The following HSD17B14 variants were observed in gnomAD, a reference collection of about 807,000 sequenced individuals.
HSD17B14 encodes the protein L-fucose dehydrogenase.
Under a neutral mutation model 32.2 loss-of-function variants are expected in HSD17B14, and 32 were observed. The ratio of observed to expected loss-of-function variants is 0.99; its 90% confidence interval spans 0.75 to 1.33. HSD17B14 has a LOEUF of 1.33. Among genes scored for constraint, HSD17B14 ranks in the 40% most tolerant of loss-of-function variants. The pLI is 0.00. For missense variants in HSD17B14, 370 were observed against 366.5 expected (o/e 1.01, Z -0.08); for synonymous variants, 140 against 155.4 (o/e 0.90, Z 0.74).
chr19:48,827,546 C>CT (rs1305270219), intron 5 of HSD17B14, among the ~76,000 whole-genome samples: 5 of 148,024 alleles, frequency 3.4e-5, no homozygotes, highest in Non-Finnish European at 1.5e-5. Flanking sequence ...TCTTCTCCTT[C>CT]GTTTTTTTTT....
intron 8 of HSD17B14, 30 bp from the exon 9 acceptor site, chr19:48,813,378 AAGAGGAG>A (rs1310171393): frequency 6.4e-7 from 1 of 1,557,976 alleles, no homozygotes; most frequent in Admixed American, 1.9e-5. Flanking sequence ...GAAGGAGGTC[AAGAGGAG>A]CCCCACTTGA....
chr19:48,820,154 C>T (rs2035121565), intron 5 of HSD17B14, among the ~76,000 whole-genome samples: 1 of 151,796 alleles, frequency 6.6e-6, no homozygotes, highest in Non-Finnish European at 1.5e-5. Context: ...AAGACCCGAT[C>T]TCTAACAAAA....
rs565713838 is a variant in HSD17B14, at chr19:48,822,130, T to G, written c.370-6989A>C. Among the ~76,000 whole-genome samples, 13 of 143,694 alleles carry G rather than the reference T, an allele frequency of 9.0e-5. No homozygotes were observed. The South Asian group carries it at 2.7e-3, about 30-fold the overall frequency. 94.3% of individuals were successfully genotyped at this position (143,694 alleles called of 152,430 possible). A position where few individuals can be genotyped will look rare whatever the true frequency, so the allele number is the denominator to read the frequency against. ...GGTGGCAATGATGGTGATGCTGATG[T>G]TGATGGTGATGGTGATGATTGTGGT... On this transcript the variant is annotated intron_variant, in intron 5 of 8. Coordinates refer to ENST00000263278, the MANE Select transcript of HSD17B14 (RefSeq NM_016246.3).
chr19:48,816,779 T>TTTTCTTTCCTTCTTTC, intron 5 of HSD17B14, among the ~76,000 whole-genome samples: 1 of 122,284 alleles, frequency 8.2e-6, no homozygotes, highest in South Asian at 2.7e-4. Context: ...GCAAGACCCT[T>TTTTCTTTCCTTCTTTC]TTTCTTTCTT....
intron 5 of HSD17B14, among the ~76,000 whole-genome samples, chr19:48,817,026 T>A (rs941528849): frequency 2.5e-5 from 3 of 121,312 alleles, no homozygotes; most frequent in African/African-American, 9.5e-5. Flanking sequence ...TTTTTTTTTT[T>A]AGTGGAGACA....
intron 5 of HSD17B14, among the ~76,000 whole-genome samples, chr19:48,823,955 A>G (rs2035200635): frequency 6.7e-6 from 1 of 148,614 alleles, no homozygotes; most frequent in Non-Finnish European, 1.5e-5. Context: ...TTTCTTTTTT[A>G]AAAATGTTTA....
intron 5 of HSD17B14, among the ~76,000 whole-genome samples, chr19:48,830,641 C>T (rs550661818): frequency 6.6e-6 from 1 of 152,088 alleles, no homozygotes; most frequent in Non-Finnish European, 1.5e-5. Context: ...AGCAATCCTC[C>T]CGCCTCAGCC....
rs1439918884 is a variant in HSD17B14 at position 48,813,732 on chromosome 19, T to A, written c.475-2A>T. ...TTTGGTCATGGCTGTTACTGCCCCC[T>A]GCAGGAAATGGAGCGGGGAAGAAAG... On this transcript the variant is annotated splice_acceptor_variant, in intron 6 of 8. Coordinates refer to ENST00000263278, the MANE Select transcript of HSD17B14 (RefSeq NM_016246.3). LOFTEE classifies it high-confidence loss of function. The A allele has an allele frequency of 6.2e-7, 1 of 1,614,070 alleles. No homozygotes were observed. Among genetic ancestry groups the A allele is most frequent in the Non-Finnish European group, 8.5e-7 (1 of 1,180,012 alleles).
intron 5 of HSD17B14, among the ~76,000 whole-genome samples, chr19:48,825,370 G>C (rs561324390): frequency 6.6e-6 from 1 of 151,656 alleles, no homozygotes; most frequent in Non-Finnish European, 1.5e-5. Flanking sequence ...GGAATGCAGC[G>C]GCACAATCAT....
At chr19:48,826,544 C>T (rs74174261) in intron 5 of HSD17B14, among the ~76,000 whole-genome samples, 36,750 of 49,318 alleles carry the variant, frequency 0.75, 13,299 homozygotes, top group Non-Finnish European at 0.81. Context: ...TATATATATA[C>T]ACACACACAC....
At chr19:48,834,857 T>TG (rs1265293311) in intron 2 of HSD17B14, among the ~76,000 whole-genome samples, 5 of 66,068 alleles carry the variant, frequency 7.6e-5, no homozygotes, top group East Asian at 8.2e-4. Flanking sequence ...GAGGAGGGGC[T>TG]GAGGTCTGGA....
intron 5 of HSD17B14, among the ~76,000 whole-genome samples, chr19:48,820,682 C>T (rs533384192): frequency 6.6e-6 from 1 of 150,932 alleles, no homozygotes; most frequent in East Asian, 2.0e-4. Context: ...CCACCATGCC[C>T]GGCTAATTTT....
At chr19:48,827,199 C>T (rs371361802) in intron 5 of HSD17B14, among the ~76,000 whole-genome samples, 17 of 151,930 alleles carry the variant, frequency 1.1e-4, no homozygotes, top group Admixed American at 4.6e-4. Flanking sequence ...CCCACCACCA[C>T]GCCTGGCTAA....
intron 5 of HSD17B14, among the ~76,000 whole-genome samples, chr19:48,816,016 G>A (rs686947): frequency 0.035 from 4,117 of 116,372 alleles, 204 homozygotes; most frequent in African/African-American, 0.13. Flanking sequence ...GCAAGACTCC[G>A]TTTCAGAAAA....
At chr19:48,822,127 ATGT>A (rs1259925686) in intron 5 of HSD17B14, among the ~76,000 whole-genome samples, 1 of 148,514 alleles carries the variant, frequency 6.7e-6, no homozygotes, top group Non-Finnish European at 1.5e-5. Flanking sequence ...GGTGATGCTG[ATGT>A]TGATGGTGAT....
At chr19:48,815,016 A>G in intron 6 of HSD17B14, 21 bp downstream of exon 6, 1 of 1,576,130 alleles carries the variant, frequency 6.3e-7, no homozygotes, top group Non-Finnish European at 8.7e-7. Context: ...GGAGGGAAGG[A>G]AGGGGTAGGG....
intron 6 of HSD17B14, 105 bp from the exon 7 acceptor site, chr19:48,813,835 G>A: frequency 1.6e-6 from 2 of 1,286,394 alleles, no homozygotes; most frequent in Non-Finnish European, 2.2e-6. Flanking sequence ...GGGAAGTCAT[G>A]CCCTCCTTGA....
chr19:48,828,693 G>C (rs1367072590), intron 5 of HSD17B14, among the ~76,000 whole-genome samples: 1 of 152,018 alleles, frequency 6.6e-6, no homozygotes, highest in Non-Finnish European at 1.5e-5. Context: ...AGTTTGAAAG[G>C]CTGAGGCAGG....
At chr19:48,830,178 C>G (rs966332203) in intron 5 of HSD17B14, among the ~76,000 whole-genome samples, 8 of 152,052 alleles carry the variant, frequency 5.3e-5, no homozygotes, top group African/African-American at 2.4e-5. Context: ...ACCCAACCCC[C>G]CTTTCTTCAA....
Sources: gnomAD v4.1 joint callset for allele counts (sites outside exome capture counted in the v4.1 genomes callset) on GRCh38, gnomAD v4.1.1 for gene constraint, MANE v1.5 for transcripts, NCBI Gene and HGNC (gene_info 2026-07-23, HGNC 2026-07-21) for gene names.